PRKCB: variants seen among roughly 807,000 people sequenced by gnomAD.
PRKCB encodes the protein protein kinase C beta.
A neutral mutation model predicts 81.5 loss-of-function variants in PRKCB; 13 were observed. That is an observed-to-expected ratio of 0.16 (90% CI 0.10 to 0.25). PRKCB has a LOEUF of 0.25. PRKCB is among the 10% of genes least tolerant of loss of function. The pLI, the probability that PRKCB is intolerant of heterozygous loss-of-function variation, is 1.00. For missense variants in PRKCB, 509 were observed against 875.7 expected (o/e 0.58, Z 5.29); for synonymous variants, 335 against 321.4 (o/e 1.04, Z -0.45).
chr16:23,990,381 C>T (rs1003566130), intron 3 of PRKCB, among the ~76,000 whole-genome samples: 3 of 151,694 alleles, frequency 2.0e-5, no homozygotes, highest in Admixed American at 6.6e-5. Context: ...TGGCGTGAAC[C>T]TGGGAGGCAG....
At chr16:23,978,757 T>A (rs1964656939) in intron 2 of PRKCB, among the ~76,000 whole-genome samples, 1 of 152,252 alleles carries the variant, frequency 6.6e-6, no homozygotes, top group South Asian at 2.1e-4. Context: ...AATAAGACTT[T>A]CTATGGTGCT....
intron 2 of PRKCB, among the ~76,000 whole-genome samples, chr16:23,928,339 G>T (rs1963924508): frequency 6.6e-6 from 1 of 152,022 alleles, no homozygotes; most frequent in Non-Finnish European, 1.5e-5. Context: ...TGTTGGCCAG[G>T]CTGGTCTCGA....
At chr16:24,040,348 G>C (rs77873250) in intron 5 of PRKCB, among the ~76,000 whole-genome samples, 6 of 152,034 alleles carry the variant, frequency 3.9e-5, no homozygotes, top group Non-Finnish European at 8.8e-5. Flanking sequence ...ACATCTGTGC[G>C]TTCTGTTTAG....
At chr16:23,901,463 A>G (rs2141722114) in intron 2 of PRKCB, among the ~76,000 whole-genome samples, 2 of 152,302 alleles carry the variant, frequency 1.3e-5, no homozygotes, top group Middle Eastern at 6.8e-3. Context: ...TTTTATCAGC[A>G]GGAAACAGCT....
intron 2 of PRKCB, among the ~76,000 whole-genome samples, chr16:23,973,681 T>C (rs1596493300): frequency 1.3e-5 from 2 of 151,950 alleles, no homozygotes; most frequent in African/African-American, 4.8e-5. Context: ...GAAAATAATA[T>C]ATTTTTTTTC....
chr16:24,166,626 G>A (rs981621110), intron 10 of PRKCB, among the ~76,000 whole-genome samples: 5 of 152,112 alleles, frequency 3.3e-5, no homozygotes, highest in African/African-American at 4.8e-5. Context: ...TGGGAAACAC[G>A]GCCGTTTGGA....
At chr16:24,209,678 A>G (rs1176163752) in intron 16 of PRKCB, among the ~76,000 whole-genome samples, 1 of 151,846 alleles carries the variant, frequency 6.6e-6, no homozygotes, top group Non-Finnish European at 1.5e-5. Flanking sequence ...CCCTCCACCA[A>G]TCACCTTCCT....
intron 5 of PRKCB, among the ~76,000 whole-genome samples, chr16:24,052,951 A>G (rs111294180): frequency 2.0e-5 from 3 of 152,160 alleles, no homozygotes; most frequent in Non-Finnish European, 2.9e-5. Context: ...TGGTTCAAAC[A>G]TCTCTGACAC....
chr16:24,208,182 G>A (rs1968077100), intron 16 of PRKCB: 2 of 152,248 alleles, frequency 1.3e-5, no homozygotes, highest in African/African-American at 4.8e-5. Flanking sequence ...CAAGGCAAGA[G>A]GATCCCTTGA....
rs11315093 is a variant in PRKCB, at chr16:24,190,492, G to GTT, written c.1723-586_1723-585dup. Among the ~76,000 whole-genome samples the GTT allele has an allele frequency of 6.9e-3, 846 of 123,274 alleles. 8 individuals carry two copies. The highest frequency in any genetic ancestry group is 0.024 in the African/African-American group (797 of 33,448). The allele number at this position is 123,274 out of a possible 152,430, so 80.9% of individuals were successfully genotyped here. Reference sequence around the variant, plus strand: ...ATGTGGCATTTATTTTTTTCTTTCTGTTTTTTTTTTTTTGGTTGTTTTTTT... The same window carrying GTT: ...ATGTGGCATTTATTTTTTTCTTTCTGTTTTTTTTTTTTTTTGGTTGTTTTTTT... On this transcript the variant is annotated intron_variant, in intron 15 of 16. Transcript: ENST00000643927.
At chr16:24,134,404 C>T (rs1476849394) in intron 9 of PRKCB, among the ~76,000 whole-genome samples, 2 of 152,002 alleles carry the variant, frequency 1.3e-5, no homozygotes, top group African/African-American at 2.4e-5. Context: ...AAGACCAGCC[C>T]AGCCTGAGCA....
At chr16:23,875,709 T>C (rs1392237371) in intron 2 of PRKCB, among the ~76,000 whole-genome samples, 1 of 137,114 alleles carries the variant, frequency 7.3e-6, no homozygotes, top group African/African-American at 2.8e-5. Context: ...ATCACACATA[T>C]ATATGTATGT....
chr16:24,199,523 C>T (rs1457330035), intron 16 of PRKCB, among the ~76,000 whole-genome samples: 2 of 152,196 alleles, frequency 1.3e-5, no homozygotes, highest in Admixed American at 6.5e-5. Flanking sequence ...GGATCTAACA[C>T]TTACTCAATG....
chr16:24,063,533 GATCC>G (rs1965998428), intron 5 of PRKCB, among the ~76,000 whole-genome samples: 1 of 152,128 alleles, frequency 6.6e-6, no homozygotes, highest in African/African-American at 2.4e-5. Context: ...GACCTCATGT[GATCC>G]GCCCGCCTTG....
chr16:23,890,886 C>T (rs1316437609), intron 2 of PRKCB, among the ~76,000 whole-genome samples: 1 of 152,090 alleles, frequency 6.6e-6, no homozygotes, highest in Non-Finnish European at 1.5e-5. Flanking sequence ...AGACTCTGAT[C>T]AAATGTCCAT....
At chr16:23,896,471 T>C (rs1963381192) in intron 2 of PRKCB, among the ~76,000 whole-genome samples, 1 of 152,244 alleles carries the variant, frequency 6.6e-6, no homozygotes, top group East Asian at 1.9e-4. Context: ...TTCACAAAAT[T>C]AGAGACACAA....
intron 5 of PRKCB, among the ~76,000 whole-genome samples, chr16:24,084,481 C>T (rs112676848): frequency 1.9e-3 from 282 of 151,934 alleles, no homozygotes; most frequent in East Asian, 0.01. Context: ...CAGATAAAAG[C>T]GGTTAAGAAA....
At chr16:23,999,846 T>C (rs11860367) in intron 3 of PRKCB, among the ~76,000 whole-genome samples, 62,973 of 151,968 alleles carry the variant, frequency 0.41, 13,284 homozygotes, top group South Asian at 0.58. Flanking sequence ...AAGGGGTTCT[T>C]GTCTGTGTCT....
intron 4 of PRKCB, among the ~76,000 whole-genome samples, chr16:24,035,153 G>A (rs778517379): frequency 6.6e-6 from 1 of 152,126 alleles, no homozygotes; most frequent in Admixed American, 6.5e-5. Flanking sequence ...AGGGGTGTGG[G>A]GTGTGCTTGC....
Sources: gnomAD v4.1 joint callset for allele counts (sites outside exome capture counted in the v4.1 genomes callset) on GRCh38, gnomAD v4.1.1 for gene constraint, MANE v1.5 for transcripts, NCBI Gene and HGNC (gene_info 2026-07-23, HGNC 2026-07-21) for gene names.